The following SORCS1 variants were observed in gnomAD, a reference collection of about 807,000 sequenced individuals.
SORCS1 encodes the protein sortilin related VPS10 domain containing receptor 1, also known as VPS10 domain-containing receptor SorCS1.
Under a neutral mutation model 146.1 loss-of-function variants are expected in SORCS1, and 60 were observed. The observed-to-expected ratio is 0.41, with a 90% CI of 0.33 to 0.51. The LOEUF (loss-of-function observed/expected upper bound fraction) is 0.51, where lower values mean the gene tolerates loss of function less well. Among genes scored for constraint, SORCS1 ranks in the 20% least tolerant of loss-of-function variants. The pLI is 0.21. For missense variants in SORCS1, 1,352 were observed against 1,487.6 expected, an observed-to-expected ratio of 0.91 and a Z score of 1.50; for synonymous variants, 637 against 584.0, an observed-to-expected ratio of 1.09 and a Z score of -1.31.
chr10:106,577,460 G>T lies in SORCS1; in HGVS notation c.3467C>A (p.Thr1156Lys), dbSNP rs201131479. 6.6e-7 allele frequency: 1 copy of T among 1,518,868 alleles called. No homozygotes were observed. Among genetic ancestry groups the T allele is most frequent in the Non-Finnish European group, 8.9e-7 (1 of 1,120,910 alleles). The allele number at this position is 1,518,868 out of a possible 1,614,324, so 94.1% of individuals were successfully genotyped here. The change falls in exon 26 of 26, where the codon ACG becomes AAG. Residue 1156 changes from threonine (T) to lysine (K), a missense_variant. Coordinates refer to ENST00000263054, the MANE Select transcript of SORCS1 (RefSeq NM_052918.5). ...QRARHATPPS[T>K]PKRGSAGAQY... is the part of the protein sequence containing the mutation. ...TGCCCCAGCAGATCCCCGCTTTGGC[G>T]TTGAAGGCGGAGTGGCGTGTCTTGC...
chr10:107,029,979 A>G (rs1433651906), intron 1 of SORCS1, among the ~76,000 whole-genome samples: 1 of 152,226 alleles, frequency 6.6e-6, no homozygotes, highest in African/African-American at 2.4e-5. Context: ...AGAGAGTGGA[A>G]AGTAGAGGAG....
intron 1 of SORCS1, among the ~76,000 whole-genome samples, chr10:107,111,213 A>C (rs1230279555): frequency 6.6e-6 from 1 of 151,212 alleles, no homozygotes; most frequent in Non-Finnish European, 1.5e-5. Flanking sequence ...AACATTCTAT[A>C]ATTGACTCCA....
At chr10:106,730,439 T>C (rs1856513880) in intron 5 of SORCS1, among the ~76,000 whole-genome samples, 1 of 152,214 alleles carries the variant, frequency 6.6e-6, no homozygotes, top group African/African-American at 2.4e-5. Flanking sequence ...TATTAAACTT[T>C]CAAAACTTAT....
At chr10:106,694,872 G>C (rs965920061) in intron 9 of SORCS1, among the ~76,000 whole-genome samples, 2 of 152,098 alleles carry the variant, frequency 1.3e-5, no homozygotes, top group African/African-American at 4.8e-5. Flanking sequence ...CACTCAGCTG[G>C]GGTGAACTGT....
At chr10:106,878,649 T>TATACATGTATATATATATATATA (rs1491300730) in intron 2 of SORCS1, among the ~76,000 whole-genome samples, 1 of 137,868 alleles carries the variant, frequency 7.3e-6, no homozygotes, top group African/African-American at 2.7e-5. Flanking sequence ...TATATATATA[T>TATACATGTATATATATATATATA]TTTATAGCAG....
intron 1 of SORCS1, among the ~76,000 whole-genome samples, chr10:107,024,568 A>G (rs1410610280): frequency 2.0e-5 from 3 of 152,340 alleles, no homozygotes. Context: ...TGCCAACTCT[A>G]GATTTCTGTA....
chr10:107,173,097 C>A, the SORCS1 span, among the ~76,000 whole-genome samples: 1 of 152,236 alleles, frequency 6.6e-6, no homozygotes, highest in Non-Finnish European at 1.5e-5. Flanking sequence ...CCTTCTCAGT[C>A]AACAATACCT....
intron 1 of SORCS1, among the ~76,000 whole-genome samples, chr10:107,128,797 T>C (rs1318403504): frequency 2.6e-5 from 4 of 152,222 alleles, no homozygotes; most frequent in African/African-American, 9.6e-5. Context: ...ATCAATTCTT[T>C]GGCATTTCTC....
chr10:106,701,183 A>AT (rs1018300865), intron 8 of SORCS1, among the ~76,000 whole-genome samples: 3 of 152,008 alleles, frequency 2.0e-5, no homozygotes, highest in Non-Finnish European at 2.9e-5. Flanking sequence ...ATTACTTTGT[A>AT]TTTTTTTTAA....
rs187327346 is a variant in SORCS1, at chr10:106,768,914, A to G, written c.886-7253T>C. 5.5e-3 allele frequency among the ~76,000 whole-genome samples: 833 copies of G among 152,146 alleles called. 28 individuals carry two copies. The highest frequency in any genetic ancestry group is 0.05 in the Admixed American group (759 of 15,280). ...CATCAAATAGTCCCATGAGCCAGGT[A>G]CTCTTATTATTGTTCCCACTTTACA... On this transcript the variant is annotated intron_variant, in intron 4 of 25. Coordinates refer to ENST00000263054, the MANE Select transcript of SORCS1 (RefSeq NM_052918.5).
intron 1 of SORCS1, among the ~76,000 whole-genome samples, chr10:107,065,517 T>TCC (rs1961752257): frequency 9.3e-6 from 1 of 107,594 alleles, no homozygotes; most frequent in African/African-American, 3.4e-5. Context: ...CCTCTCTTTC[T>TCC]TTCTTTCTTT....
intron 18 of SORCS1, among the ~76,000 whole-genome samples, chr10:106,633,687 A>T (rs2133608444): frequency 6.7e-6 from 1 of 149,382 alleles, no homozygotes; most frequent in African/African-American, 2.5e-5. Flanking sequence ...ACAAACAAAC[A>T]AAAAATCTCC....
intron 1 of SORCS1, among the ~76,000 whole-genome samples, chr10:107,161,358 G>A (rs1969689647): frequency 6.6e-6 from 1 of 152,082 alleles, no homozygotes; most frequent in South Asian, 2.1e-4. Flanking sequence ...AGATTTATAG[G>A]GGAGGACATC....
At chr10:106,704,172 T>C (rs1262501974) in intron 8 of SORCS1, among the ~76,000 whole-genome samples, 2 of 152,220 alleles carry the variant, frequency 1.3e-5, no homozygotes, top group African/African-American at 2.4e-5. Flanking sequence ...TTTTAAACTA[T>C]GATTTCTGGG....
chr10:106,652,872 G>A (rs1849980936), intron 17 of SORCS1, among the ~76,000 whole-genome samples: 1 of 152,168 alleles, frequency 6.6e-6, no homozygotes. Context: ...TTATAAGCTA[G>A]TTGGAGAGAC....
At chr10:107,012,640 C>A (rs1340867852) in intron 1 of SORCS1, among the ~76,000 whole-genome samples, 1 of 152,166 alleles carries the variant, frequency 6.6e-6, no homozygotes, top group Non-Finnish European at 1.5e-5. Flanking sequence ...GCTCATGGAA[C>A]AATCAGAATT....
chr10:106,708,202 T>C (rs1854673051), intron 7 of SORCS1, among the ~76,000 whole-genome samples: 1 of 152,112 alleles, frequency 6.6e-6, no homozygotes. Flanking sequence ...ATGCTGAAAT[T>C]GTCAGAGTAT....
intron 1 of SORCS1, among the ~76,000 whole-genome samples, chr10:107,032,134 T>C (rs1318328533): frequency 6.6e-6 from 1 of 152,162 alleles, no homozygotes; most frequent in East Asian, 1.9e-4. Flanking sequence ...GCAGTTTGAA[T>C]TGGATCTGTT....
At chr10:107,079,346 A>G (rs1963149291) in intron 1 of SORCS1, among the ~76,000 whole-genome samples, 1 of 152,156 alleles carries the variant, frequency 6.6e-6, no homozygotes, top group African/African-American at 2.4e-5. Flanking sequence ...GCCAATACAG[A>G]CCCTTTCTGG....
Sources: gnomAD v4.1 joint callset for allele counts (sites outside exome capture counted in the v4.1 genomes callset) on GRCh38, gnomAD v4.1.1 for gene constraint, MANE v1.5 for transcripts, NCBI Gene and HGNC (gene_info 2026-07-23, HGNC 2026-07-21) for gene names.